GMIP: variants seen among roughly 807,000 people sequenced by gnomAD.
GMIP encodes the protein GEM-interacting protein.
In GMIP, 54 loss-of-function variants were observed where a neutral mutation model predicts 105.3. The ratio of observed to expected loss-of-function variants is 0.51; its 90% CI spans 0.41 to 0.64. The LOEUF (loss-of-function observed/expected upper bound fraction) is 0.64. Ranked by LOEUF, GMIP falls within the 30% of genes least tolerant of loss-of-function variation. The pLI is 0.00. For synonymous variants in GMIP, 541 were observed against 560.8 expected, an observed-to-expected ratio of 0.96 and a Z score of 0.50; for missense variants, 1,110 against 1,319.4, an observed-to-expected ratio of 0.84 and a Z score of 2.46.
intron 1 of GMIP, 167 bp downstream of exon 1, chr19:19,643,344 C>T (rs1037262589): frequency 2.0e-5 from 12 of 603,846 alleles, no homozygotes; most frequent in Non-Finnish European, 3.5e-5. Context: ...GGCTGGGGTC[C>T]TGAACCCATC....
At position 19,641,816 on chromosome 19, in the gene GMIP, G is replaced by A. The variant is rs752254005; in HGVS notation, c.232C>T (p.Leu78Phe). Residue 78 changes from leucine (L) to phenylalanine (F), a missense_variant, in exon 4 of 21, where the codon CTC (leucine) becomes TTC (phenylalanine). Coordinates refer to ENST00000203556, the MANE Select transcript of GMIP (RefSeq NM_016573.4). ...SGPSPEGPVP[L>F]TGEELDLRLI... is the part of the protein sequence containing the mutation. ...GGCCTCCAGACCCCCCTACCTGTGA[G>A]GGGTACAGGACCCTCTGGGGAGGGG... The A allele has an allele frequency of 1.9e-6, 3 of 1,610,316 alleles. No homozygotes were observed. Among genetic ancestry groups the A allele is most frequent in the African/African-American group, 2.7e-5 (2 of 74,820 alleles).
Position 19,637,839 on chromosome 19 carries a change from G to A in GMIP, c.927+81C>T. 1 of 1,435,902 alleles carries A rather than the reference G, an allele frequency of 7.0e-7. No homozygotes were observed. The highest frequency in any genetic ancestry group is 9.5e-7 in the Non-Finnish European group (1 of 1,054,682). 88.9% of individuals were successfully genotyped at this position (1,435,902 alleles called of 1,614,324 possible). ...ATGGCCTAGTCCTGGTGTCTCCAGG[G>A]TGGCTTAGGGGCGAGGAGTGGGGCA... On this transcript the variant is annotated intron_variant, in intron 10 of 20. Transcript: ENST00000203556. This position sits in a 1 kb window ranked among gnomAD's most constrained non-coding sequence, Gnocchi z 6.7.
chr19:19,634,602 G>T lies in GMIP; in HGVS notation c.1989C>A (p.Pro663=). ...TCAGCGAGCGGATAACCTCAGGGCT[G>T]GGGCTGGGGGTCCCAGGGTCGTCCC... ...DPGDDPGTPS[P]SPEVIRSLKT... Residue 663 remains proline (P), a synonymous_variant, in exon 18 of 21, where the codon CCC becomes CCA. Coordinates refer to ENST00000203556, the MANE Select transcript of GMIP (RefSeq NM_016573.4). This position sits in a 1 kb window ranked among gnomAD's most constrained non-coding sequence, Gnocchi z 6.1. 1 of 1,613,650 alleles carries T rather than the reference G, an allele frequency of 6.2e-7. No individual in the cohort carries two copies. Among genetic ancestry groups the T allele is most frequent in the Non-Finnish European group, 8.5e-7 (1 of 1,179,844 alleles).
intron 7 of GMIP, among the ~76,000 whole-genome samples, chr19:19,639,876 G>T (rs1468931029): frequency 6.6e-6 from 1 of 152,086 alleles, no homozygotes; most frequent in Non-Finnish European, 1.5e-5. Context: ...GTGAAGTTTT[G>T]CAATTGCACA....
chr19:19,641,207 A>C (rs541965427), intron 4 of GMIP, among the ~76,000 whole-genome samples: 3 of 151,974 alleles, frequency 2.0e-5, no homozygotes, highest in African/African-American at 7.2e-5. Context: ...CAGCCTCCCG[A>C]GTATCTGGGA....
At position 19,634,674 on chromosome 19, in the gene GMIP, G is replaced by A. The variant is rs2061832795; in HGVS notation, c.1917C>T (p.Leu639=). The part of the protein sequence containing the change: ...ELTEPVIPFH[L]YDAFISLAKT... ...TAGCCAGAGAGATGAAGGCGTCGTA[G>A]AGGTGGAAGGGGATCACGGGCTCGG... Residue 639 remains leucine (L), a synonymous_variant, in exon 18 of 21, where the codon CTC becomes CTT. Coordinates refer to ENST00000203556, the MANE Select transcript of GMIP (RefSeq NM_016573.4). The surrounding 1 kb of genome is among the most constrained non-coding windows in gnomAD (Gnocchi z 6.1). 1 of 1,610,390 alleles carries A rather than the reference G, an allele frequency of 6.2e-7. No homozygotes were observed. Among genetic ancestry groups the A allele is most frequent in the Admixed American group, 1.7e-5 (1 of 59,580 alleles).
At position 19,634,854 on chromosome 19, in the gene GMIP, C is replaced by T; in HGVS notation, c.1825G>A (p.Val609Met). The T allele has an allele frequency of 6.2e-7, 1 of 1,614,000 alleles. No homozygotes were observed. Among genetic ancestry groups the T allele is most frequent in the Non-Finnish European group, 8.5e-7 (1 of 1,180,034 alleles). ...CQAFENGRAL[V>M]ELSGNSPHDV... is the part of the protein sequence containing the mutation. ...TGAGGCGAGTTCCCCGACAGCTCCA[C>T]CAACGCTCGGCCATTCTCGAAAGCC... The change falls in exon 17 of 21, where the codon GTG becomes ATG. Residue 609 changes from valine to methionine, a missense_variant. Transcript: ENST00000203556. This position sits in a 1 kb window ranked among gnomAD's most constrained non-coding sequence, Gnocchi z 6.1.
chr19:19,631,134 G>C (rs1243162679), intron 19 of GMIP, among the ~76,000 whole-genome samples: 1 of 152,162 alleles, frequency 6.6e-6, no homozygotes, highest in East Asian at 1.9e-4. Flanking sequence ...CTGGGAGGTG[G>C]AGATTGCAGT....
Position 19,636,808 on chromosome 19 carries a change from A to C in GMIP, c.1238-12T>G. 1 of 1,602,994 alleles carries C rather than the reference A, an allele frequency of 6.2e-7. No individual in the cohort carries two copies. The highest frequency in any genetic ancestry group is 8.5e-7 in the Non-Finnish European group (1 of 1,172,426). ...GGGGCCTGGAGTCCCTAGGTGGCAC[A>C]GGTCAATAAGGATGGTCCCCTGCTC... On this transcript the variant is annotated splice_polypyrimidine_tract_variant and intron_variant, in intron 12 of 20. Coordinates refer to ENST00000203556, the MANE Select transcript of GMIP (RefSeq NM_016573.4).
At chr19:19,638,624 T>G (rs1202840597) in intron 7 of GMIP, 142 bp from the exon 8 acceptor site, 2 of 671,890 alleles carry the variant, frequency 3.0e-6, no homozygotes, top group Non-Finnish European at 5.1e-6. Flanking sequence ...GTTTTGCTCT[T>G]GTTGCCCAGG....
Position 19,635,287 on chromosome 19 carries a change from A to G in GMIP, c.1561-74T>C. ...GAAGAGAAGGTTACAAGGATCCTCA[A>G]GGAATGGGGGCTCATGGGAGACATC... On this transcript the variant is annotated intron_variant, in intron 15 of 20. Coordinates refer to ENST00000203556, the MANE Select transcript of GMIP (RefSeq NM_016573.4). This position sits in a 1 kb window ranked among gnomAD's most constrained non-coding sequence, Gnocchi z 4.7. 1 of 1,532,908 alleles carries G rather than the reference A, an allele frequency of 6.5e-7. No individual in the cohort carries two copies. The highest frequency in any genetic ancestry group is 1.8e-5 in the Admixed American group (1 of 56,664). The allele number at this position is 1,532,908 out of a possible 1,614,324, so 95.0% of individuals were successfully genotyped here. A position where few individuals can be genotyped will look rare whatever the true frequency, so the allele number is the denominator to read the frequency against.
At chr19:19,633,434 T>C (rs2061816200) in intron 19 of GMIP, among the ~76,000 whole-genome samples, 1 of 152,200 alleles carries the variant, frequency 6.6e-6, no homozygotes, top group Non-Finnish European at 1.5e-5. Flanking sequence ...CTTTGTGTCA[T>C]GTATATGGTT....
Position 19,637,858 on chromosome 19 carries a change from T to TG in GMIP, c.927+61dup, listed in dbSNP as rs2061872114. 6.6e-7 allele frequency: 1 copy of TG among 1,519,086 alleles called. No homozygotes were observed. The highest frequency in any genetic ancestry group is 8.9e-7 in the Non-Finnish European group (1 of 1,124,010). The allele number at this position is 1,519,086 out of a possible 1,614,324, so 94.1% of individuals were successfully genotyped here. On this transcript the variant is annotated intron_variant, in intron 10 of 20. Coordinates refer to ENST00000203556, the MANE Select transcript of GMIP (RefSeq NM_016573.4). This position sits in a 1 kb window ranked among gnomAD's most constrained non-coding sequence, Gnocchi z 6.7. ...TCCAGGGTGGCTTAGGGGCGAGGAGTGGGGCACTCAGTCGGGGCCCCAACG... is the reference window on the plus strand; with the variant it reads ...TCCAGGGTGGCTTAGGGGCGAGGAGTGGGGGCACTCAGTCGGGGCCCCAACG...
chr19:19,631,766 T>A (rs1241516016), intron 19 of GMIP, among the ~76,000 whole-genome samples: 1 of 151,486 alleles, frequency 6.6e-6, no homozygotes, highest in East Asian at 1.9e-4. Context: ...GGCGGGTGGA[T>A]CACAAGGTCA....
intron 7 of GMIP, among the ~76,000 whole-genome samples, chr19:19,639,200 G>A (rs1179975135): frequency 1.3e-5 from 2 of 151,688 alleles, no homozygotes; most frequent in Non-Finnish European, 1.5e-5. Context: ...CCTCCTAGTA[G>A]CTAGCACTGC....
intron 1 of GMIP, 122 bp from the exon 2 acceptor site, chr19:19,642,741 C>T: frequency 2.0e-6 from 1 of 500,494 alleles, no homozygotes; most frequent in Non-Finnish European, 3.7e-6. Flanking sequence ...AAAGAGAGGG[C>T]TGGGGGGGGC....
At position 19,638,224 on chromosome 19, in the gene GMIP, C is replaced by T. The variant is rs759353207; in HGVS notation, c.724G>A (p.Ala242Thr). The T allele has an allele frequency of 1.3e-6, 2 of 1,599,954 alleles. No homozygotes were observed. Among genetic ancestry groups the T allele is most frequent in the East Asian group, 2.2e-5 (1 of 44,740 alleles). The change falls in exon 9 of 21, where the codon GCC (alanine) becomes ACC (threonine). Residue 242 changes from alanine (A) to threonine (T), a missense_variant. By Grantham distance (58) the Ala-to-Thr change is moderately conservative (BLOSUM62 0). Transcript: ENST00000203556. The stretch of plus-strand genomic sequence containing the variant: ...TGCTGCTTGCTAGGTCCCGGCGAGG[C>T]CTGGGGGGCCGAGTCCTCAGGGGAC... ...QGSPEDSAPQ[A>T]SPGPSKQQER...
rs959716395 is a variant in GMIP, at chr19:19,635,990, G to A, written c.1328-269C>T. Among the ~76,000 whole-genome samples, 9 of 151,944 alleles carry A rather than the reference G, an allele frequency of 5.9e-5. No homozygotes were observed. Among genetic ancestry groups the A allele is most frequent in the Admixed American group, 1.3e-4 (2 of 15,262 alleles). ...AAGCTGAGGCAGGAGGATCACATGA[G>A]GCAAGGAGTTTGACACCAGCCTGGC... On this transcript the variant is annotated intron_variant, in intron 13 of 20. Transcript: ENST00000203556. The surrounding 1 kb of genome is among the most constrained non-coding windows in gnomAD (Gnocchi z 4.7).
intron 19 of GMIP, among the ~76,000 whole-genome samples, chr19:19,633,265 T>C (rs577449765): frequency 6.6e-6 from 1 of 152,174 alleles, no homozygotes; most frequent in South Asian, 2.1e-4. Flanking sequence ...TCCTTATTGG[T>C]TGGATTAGTC....
Sources: allele counts gnomAD v4.1 joint callset (sites outside exome capture counted in the v4.1 genomes callset), GRCh38; gene constraint gnomAD v4.1.1; non-coding constraint Gnocchi (gnomAD v3.1); transcripts MANE v1.5; gene names NCBI Gene and HGNC (gene_info 2026-07-23, HGNC 2026-07-21).